NDST4: variants seen among roughly 807,000 people sequenced by gnomAD.
NDST4 encodes the protein N-heparan sulfate sulfotransferase 4.
In NDST4, 63 loss-of-function variants were observed where a neutral mutation model predicts 100.8. That is an observed-to-expected ratio of 0.62 (90% CI 0.51 to 0.77). The LOEUF is 0.77. Ranked by LOEUF, NDST4 falls within the 30% of genes least tolerant of loss-of-function variation. The pLI, the probability that NDST4 is intolerant of heterozygous loss-of-function variation, is 0.00. For synonymous variants in NDST4, 377 were observed against 361.8 expected, an observed-to-expected ratio of 1.04 and a Z score of -0.48; for missense variants, 943 against 1,018.4, an observed-to-expected ratio of 0.93 and a Z score of 1.01.
intron 4 of NDST4, among the ~76,000 whole-genome samples, chr4:114,941,115 A>T (rs1725740816): frequency 6.6e-6 from 1 of 152,178 alleles, no homozygotes; most frequent in South Asian, 2.1e-4. Flanking sequence ...TGTCTGCATC[A>T]ATATTTATGA....
At chr4:115,014,592 G>C (rs1378220811) in intron 2 of NDST4, among the ~76,000 whole-genome samples, 2 of 151,986 alleles carry the variant, frequency 1.3e-5, no homozygotes, top group Non-Finnish European at 2.9e-5. Context: ...ACAGAAAAAG[G>C]CTCTGCAGTA....
At chr4:114,914,590 G>A (rs549679033) in intron 6 of NDST4, among the ~76,000 whole-genome samples, 18 of 152,268 alleles carry the variant, frequency 1.2e-4, no homozygotes, top group Admixed American at 1.0e-3. Context: ...CTACAAGCTA[G>A]GGACTGTGTG....
chr4:115,016,112 G>C (rs1727671502), intron 2 of NDST4, among the ~76,000 whole-genome samples: 1 of 152,008 alleles, frequency 6.6e-6, no homozygotes, highest in East Asian at 1.9e-4. Context: ...TCCAATTAAG[G>C]CAGTCACTTC....
intron 4 of NDST4, among the ~76,000 whole-genome samples, chr4:114,954,852 T>C (rs1373367977): frequency 6.6e-6 from 1 of 152,148 alleles, no homozygotes; most frequent in Non-Finnish European, 1.5e-5. Flanking sequence ...CTTGCAATAG[T>C]GAGTGAATTC....
intron 3 of NDST4, among the ~76,000 whole-genome samples, chr4:114,976,284 C>A (rs1355347463): frequency 2.6e-5 from 4 of 151,954 alleles, no homozygotes; most frequent in Non-Finnish European, 5.9e-5. Flanking sequence ...TGTGAAACAA[C>A]AACAGTGCAA....
intron 4 of NDST4, among the ~76,000 whole-genome samples, chr4:114,969,422 C>A (rs1485168143): frequency 6.6e-6 from 1 of 151,540 alleles, no homozygotes; most frequent in Non-Finnish European, 1.5e-5. Context: ...TATTTTGTCA[C>A]CCAAGCGATA....
rs141042160 is a variant in NDST4, at chr4:114,975,080, T to C, written c.1066+2107A>G. Among the ~76,000 whole-genome samples, 707 of 152,228 alleles carry C rather than the reference T, an allele frequency of 4.6e-3. 8 individuals carry two copies. Among genetic ancestry groups the C allele is most frequent in the African/African-American group, 0.016 (679 of 41,558 alleles). ...TTTTCTAAAATGTGAAATCTCCGTATAGAAATGTGACAAGATAGGGGTAAG... is the reference window on the plus strand; with the variant it reads ...TTTTCTAAAATGTGAAATCTCCGTACAGAAATGTGACAAGATAGGGGTAAG... On this transcript the variant is annotated intron_variant, in intron 3 of 13. Coordinates refer to ENST00000264363, the MANE Select transcript of NDST4 (RefSeq NM_022569.3).
At chr4:114,858,467 C>T (rs1022314374) in intron 7 of NDST4, among the ~76,000 whole-genome samples, 2 of 152,280 alleles carry the variant, frequency 1.3e-5, no homozygotes, top group African/African-American at 4.8e-5. Context: ...GTCCTATTAA[C>T]ATACCCCAGT....
At chr4:115,051,678 G>A (rs183397537) in intron 2 of NDST4, among the ~76,000 whole-genome samples, 1 of 152,130 alleles carries the variant, frequency 6.6e-6, no homozygotes, top group East Asian at 1.9e-4. Context: ...TAAGAACTTA[G>A]GTAGATTCCA....
chr4:115,023,255 G>T (rs1015839044), intron 2 of NDST4, among the ~76,000 whole-genome samples: 14 of 152,226 alleles, frequency 9.2e-5, no homozygotes, highest in African/African-American at 3.4e-4. Context: ...GGAGGCCAAG[G>T]CAGGCAGATC....
intron 6 of NDST4, among the ~76,000 whole-genome samples, chr4:114,896,038 A>C (rs1724706240): frequency 6.6e-6 from 1 of 152,184 alleles, no homozygotes; most frequent in African/African-American, 2.4e-5. Flanking sequence ...AGCCTAAAGA[A>C]TGTGATTCTA....
At chr4:114,905,122 T>A (rs1314550132) in intron 6 of NDST4, among the ~76,000 whole-genome samples, 2 of 149,950 alleles carry the variant, frequency 1.3e-5, no homozygotes, top group African/African-American at 4.9e-5. Context: ...AGTTGCAGCA[T>A]AAAAATTCTT....
chr4:115,095,511 T>C (rs1306791127), intron 1 of NDST4, among the ~76,000 whole-genome samples: 2 of 152,116 alleles, frequency 1.3e-5, no homozygotes, highest in East Asian at 1.9e-4. Flanking sequence ...GTCCTTTTTA[T>C]TTCTCATTGT....
At chr4:114,888,465 C>T (rs1724525044) in intron 6 of NDST4, among the ~76,000 whole-genome samples, 1 of 152,064 alleles carries the variant, frequency 6.6e-6, no homozygotes, top group Non-Finnish European at 1.5e-5. Context: ...AATGTCAATT[C>T]GCTAGCACTC....
chr4:115,014,186 A>G (rs922071688), intron 2 of NDST4, among the ~76,000 whole-genome samples: 1 of 152,098 alleles, frequency 6.6e-6, no homozygotes, highest in Non-Finnish European at 1.5e-5. Flanking sequence ...TGGTAAGGCC[A>G]GCAATGCTTT....
At chr4:115,092,540 A>G (rs1205823648) in intron 1 of NDST4, among the ~76,000 whole-genome samples, 2 of 152,156 alleles carry the variant, frequency 1.3e-5, no homozygotes, top group African/African-American at 2.4e-5. Context: ...TAAAATCAAA[A>G]CCAAATAATT....
intron 4 of NDST4, 43 bp downstream of exon 4, chr4:114,970,387 C>T: frequency 6.4e-7 from 1 of 1,563,078 alleles, no homozygotes; most frequent in South Asian, 1.2e-5. Flanking sequence ...ACCACAAGAT[C>T]ACAACTTATA....
At chr4:115,005,775 T>C (rs139335915) in intron 2 of NDST4, among the ~76,000 whole-genome samples, 1 of 151,378 alleles carries the variant, frequency 6.6e-6, no homozygotes, top group East Asian at 1.9e-4. Flanking sequence ...CCAGAAAAAA[T>C]AAAACAGAAA....
At chr4:114,970,624 T>A (rs1336254623) in intron 3 of NDST4, 40 bp from the exon 4 acceptor site, 4 of 1,549,732 alleles carry the variant, frequency 2.6e-6, no homozygotes, top group East Asian at 4.6e-5. Flanking sequence ...AGTGAAAATT[T>A]CTTACTATCT....
Sources: allele counts gnomAD v4.1 joint callset (sites outside exome capture counted in the v4.1 genomes callset), GRCh38; gene constraint gnomAD v4.1.1; transcripts MANE v1.5; gene names NCBI Gene and HGNC (gene_info 2026-07-23, HGNC 2026-07-21).